APPL2: variants seen among roughly 807,000 people sequenced by gnomAD.
APPL2 encodes adaptor protein, phosphotyrosine interacting with PH domain and leucine zipper 2, also known as DCC-interacting protein 13-beta.
In APPL2, 84 loss-of-function variants were observed where a neutral mutation model predicts 92.7. That is an observed-to-expected ratio of 0.91 (90% CI 0.76 to 1.09). The LOEUF (loss-of-function observed/expected upper bound fraction) is 1.09, where lower values mean the gene tolerates loss of function less well. Among genes scored for constraint, APPL2 ranks in the 50% least tolerant of loss-of-function variants. APPL2 has a pLI of 0.00. For missense variants in APPL2, 736 were observed against 824.5 expected (o/e 0.89, Z 1.31); for synonymous variants, 291 against 291.0 (o/e 1.00, Z 0.00).
At chr12:105,233,967 C>T (rs1440939936) in intron 1 of APPL2, among the ~76,000 whole-genome samples, 2 of 152,116 alleles carry the variant, frequency 1.3e-5, no homozygotes, top group Non-Finnish European at 2.9e-5. Flanking sequence ...AGTTCCAAGT[C>T]TAGGAGTCAC....
At chr12:105,220,798 C>T (rs912686708) in intron 2 of APPL2, among the ~76,000 whole-genome samples, 1 of 152,222 alleles carries the variant, frequency 6.6e-6, no homozygotes, top group African/African-American at 2.4e-5. Flanking sequence ...ACTCACACAG[C>T]CACACAGCTC....
intron 1 of APPL2, among the ~76,000 whole-genome samples, chr12:105,234,404 C>A (rs938627987): frequency 6.6e-6 from 1 of 152,206 alleles, no homozygotes; most frequent in Non-Finnish European, 1.5e-5. Flanking sequence ...AGAATTAGAA[C>A]CCAGGTCTCC....
chr12:105,211,858 C>T (rs549087596), intron 4 of APPL2, among the ~76,000 whole-genome samples: 17 of 152,302 alleles, frequency 1.1e-4, no homozygotes, highest in African/African-American at 4.1e-4. Flanking sequence ...TGGTAGCTCA[C>T]GCCTGTAATC....
At chr12:105,204,792 G>A (rs1480899141) in intron 8 of APPL2, among the ~76,000 whole-genome samples, 1 of 152,142 alleles carries the variant, frequency 6.6e-6, no homozygotes, top group Admixed American at 6.5e-5. Flanking sequence ...AATCTCCTTA[G>A]GGCAGGGGCT....
chr12:105,183,070 CTTTTT>C (rs56345779), intron 17 of APPL2, among the ~76,000 whole-genome samples: 54 of 88,396 alleles, frequency 6.1e-4, no homozygotes, highest in Middle Eastern at 7.7e-3. Flanking sequence ...GCAACCCCTG[CTTTTT>C]TTTTTTTTTT....
At position 105,197,844 on chromosome 12, in the gene APPL2, G is replaced by A. The variant is rs777482423; in HGVS notation, c.973C>T (p.Leu325=). The A allele has an allele frequency of 1.2e-6, 2 of 1,614,088 alleles. No individual in the cohort carries two copies. Among genetic ancestry groups the A allele is most frequent in the African/African-American group, 1.3e-5 (1 of 74,930 alleles). ...ACGGCCATCACTGAGCAGTTGTCCA[G>A]GTCCTGGATCAAACCTCCAGCCACG... is the stretch of plus-strand genomic sequence containing the variant. The part of the protein sequence containing the change: ...GAVAGGLIQD[L]DNCSVMAVDC... The change falls in exon 11 of 21, where the codon CTG becomes TTG. Residue 325 remains leucine, a synonymous_variant. Coordinates refer to ENST00000258530, the MANE Select transcript of APPL2 (RefSeq NM_018171.5).
At chr12:105,179,577 T>C (rs1019206616) in intron 17 of APPL2, among the ~76,000 whole-genome samples, 1 of 152,266 alleles carries the variant, frequency 6.6e-6, no homozygotes, top group Non-Finnish European at 1.5e-5. Context: ...TCCACAATAG[T>C]TGAACTAATT....
chr12:105,207,808 G>A (rs1888861664), intron 7 of APPL2, among the ~76,000 whole-genome samples, 163 bp downstream of exon 7: 1 of 151,992 alleles, frequency 6.6e-6, no homozygotes, highest in African/African-American at 2.4e-5. Flanking sequence ...GAATAGAGAA[G>A]TGGAGGTCTA....
At chr12:105,201,712 GTA>G (rs1020853438) in intron 9 of APPL2, among the ~76,000 whole-genome samples, 53 of 152,094 alleles carry the variant, frequency 3.5e-4, no homozygotes, top group Middle Eastern at 3.4e-3. Context: ...AAAAAAGCAT[GTA>G]TATATATACA....
chr12:105,176,740 G>A, intron 19 of APPL2, 136 bp downstream of exon 19: 1 of 1,122,184 alleles, frequency 8.9e-7, no homozygotes, highest in Non-Finnish European at 1.3e-6. Flanking sequence ...GCCTTCTTAG[G>A]AGGTATTATC....
intron 14 of APPL2, among the ~76,000 whole-genome samples, chr12:105,194,761 T>A (rs1307118403): frequency 6.7e-6 from 1 of 148,178 alleles, no homozygotes; most frequent in Non-Finnish European, 1.5e-5. Flanking sequence ...AAGGAACAAT[T>A]CTGAAAAATG....
intron 4 of APPL2, among the ~76,000 whole-genome samples, chr12:105,216,256 G>C (rs1889681341): frequency 6.6e-6 from 1 of 152,084 alleles, no homozygotes; most frequent in African/African-American, 2.4e-5. Flanking sequence ...GCCCATGTCT[G>C]TAACCCCAGC....
chr12:105,229,109 AG>A lies in APPL2; in HGVS notation c.153+15del. 6.2e-7 allele frequency: 1 copy of A among 1,603,662 alleles called. No individual in the cohort carries two copies. The highest frequency in any genetic ancestry group is 1.7e-5 in the Admixed American group (1 of 59,550). ...ATGCCCACTCTGCGGTATCCAGGTG[AG>A]GGGTGGCAGCATACCTGGGCTCCAT... On this transcript the variant is annotated intron_variant, in intron 2 of 20. Transcript: ENST00000258530.
chr12:105,176,785 C>T, intron 19 of APPL2, 91 bp downstream of exon 19: 5 of 1,486,682 alleles, frequency 3.4e-6, no homozygotes, highest in East Asian at 2.3e-5. Context: ...GAATAATCAA[C>T]TAAATATCCA....
intron 4 of APPL2, among the ~76,000 whole-genome samples, chr12:105,212,989 A>G (rs1352759778): frequency 6.6e-6 from 1 of 152,362 alleles, no homozygotes; most frequent in East Asian, 1.9e-4. Context: ...TGCCTTCAGA[A>G]CAGAATGTGA....
At chr12:105,217,248 A>G (rs939028562) in intron 3 of APPL2, 108 bp from the exon 4 acceptor site, 163 of 680,256 alleles carry the variant, frequency 2.4e-4, no homozygotes, top group Non-Finnish European at 1.4e-4. Context: ...TTTCTTCTCC[A>G]AGAGCACGTC....
chr12:105,201,907 G>C (rs370416897), intron 9 of APPL2, among the ~76,000 whole-genome samples: 133 of 152,248 alleles, frequency 8.7e-4, no homozygotes, highest in African/African-American at 3.1e-3. Context: ...GGAAAGCACA[G>C]AGCACCTGTG....
chr12:105,203,964 C>A lies in APPL2; in HGVS notation c.622-179G>T, dbSNP rs535011806. 1.4e-4 allele frequency among the ~76,000 whole-genome samples: 21 copies of A among 152,334 alleles called. No homozygotes were observed. In the South Asian group the frequency reaches 4.1e-3, roughly 30 times the overall value. On this transcript the variant is annotated intron_variant, in intron 8 of 20. Coordinates refer to ENST00000258530, the MANE Select transcript of APPL2 (RefSeq NM_018171.5). ...AGCACTATGCACTTTGAAACTGAAA[C>A]CACAGTTGCTGGCTTTTGGGTGCCA... is the stretch of plus-strand genomic sequence containing the variant.
At chr12:105,231,571 G>A (rs539392476) in intron 1 of APPL2, among the ~76,000 whole-genome samples, 8 of 152,132 alleles carry the variant, frequency 5.3e-5, no homozygotes, top group Non-Finnish European at 1.0e-4. Flanking sequence ...TAAATGGGTC[G>A]GCAGCACTGA....
Sources: allele counts gnomAD v4.1 joint callset (sites outside exome capture counted in the v4.1 genomes callset), GRCh38; gene constraint gnomAD v4.1.1; transcripts MANE v1.5; gene names NCBI Gene and HGNC (gene_info 2026-07-23, HGNC 2026-07-21).